Variants in AGBL4 observed in about 807,000 individuals in gnomAD.
AGBL4 encodes cytosolic carboxypeptidase 6.
Under a neutral mutation model 66.4 loss-of-function variants are expected in AGBL4, and 58 were observed. The ratio of observed to expected loss-of-function variants is 0.87; its 90% CI spans 0.71 to 1.09. The LOEUF (loss-of-function observed/expected upper bound fraction) is 1.09, where lower values mean the gene tolerates loss of function less well. Among genes scored for constraint, AGBL4 ranks in the 50% least tolerant of loss-of-function variants. The pLI is 0.00. For synonymous variants in AGBL4, 234 were observed against 222.9 expected (o/e 1.05, Z -0.44); for missense variants, 579 against 631.0 (o/e 0.92, Z 0.88).
At chr1:49,478,530 C>T (rs1471776748) in intron 3 of AGBL4, among the ~76,000 whole-genome samples, 1 of 151,724 alleles carries the variant, frequency 6.6e-6, no homozygotes, top group Non-Finnish European at 1.5e-5. Context: ...AAAGACTTAC[C>T]CAGACAAACA....
At chr1:49,513,277 A>C (rs1045172853) in intron 3 of AGBL4, among the ~76,000 whole-genome samples, 2 of 152,014 alleles carry the variant, frequency 1.3e-5, no homozygotes, top group Admixed American at 6.6e-5. Flanking sequence ...TTCTTTTTAA[A>C]ATTTCCAACT....
intron 3 of AGBL4, among the ~76,000 whole-genome samples, chr1:49,685,563 T>C (rs1339391914): frequency 6.6e-6 from 1 of 152,186 alleles, no homozygotes; most frequent in Non-Finnish European, 1.5e-5. Context: ...TGCCAGCATC[T>C]GTTATGTTTT....
chr1:49,669,156 A>T (rs960511074), intron 3 of AGBL4, among the ~76,000 whole-genome samples: 4 of 152,198 alleles, frequency 2.6e-5, no homozygotes, highest in Non-Finnish European at 1.5e-5. Flanking sequence ...TGATGAGAAT[A>T]GAACCCTCAA....
At chr1:48,572,078 G>C (rs1472814628) in intron 11 of AGBL4, among the ~76,000 whole-genome samples, 1 of 152,160 alleles carries the variant, frequency 6.6e-6, no homozygotes, top group African/African-American at 2.4e-5. Flanking sequence ...GGAAAGTGAA[G>C]GAGGGAGAGA....
At chr1:49,969,682 T>C (rs1657887506) in intron 1 of AGBL4, among the ~76,000 whole-genome samples, 1 of 152,194 alleles carries the variant, frequency 6.6e-6, no homozygotes. Flanking sequence ...TTGTTGCAAA[T>C]AGATTTCCTT....
chr1:49,592,005 T>C (rs1328926844), intron 3 of AGBL4, among the ~76,000 whole-genome samples: 1 of 152,030 alleles, frequency 6.6e-6, no homozygotes, highest in Non-Finnish European at 1.5e-5. Flanking sequence ...ACCTAAAAAA[T>C]ACCATTCTGG....
intron 3 of AGBL4, among the ~76,000 whole-genome samples, chr1:49,299,761 T>A (rs1480211552): frequency 6.6e-6 from 1 of 152,166 alleles, no homozygotes; most frequent in Non-Finnish European, 1.5e-5. Flanking sequence ...TAAGTACCAA[T>A]GTAATCTAGA....
intron 2 of AGBL4, among the ~76,000 whole-genome samples, chr1:49,813,839 C>G (rs906776904): frequency 6.6e-6 from 1 of 152,016 alleles, no homozygotes; most frequent in Non-Finnish European, 1.5e-5. Context: ...GTGTCCCCAC[C>G]CAAATCTCAT....
intron 5 of AGBL4, among the ~76,000 whole-genome samples, chr1:49,020,338 A>C (rs555459065): frequency 6.6e-6 from 1 of 152,324 alleles, no homozygotes; most frequent in South Asian, 2.1e-4. Flanking sequence ...AAACAACTTC[A>C]TGGAACCTCA....
chr1:50,020,706 G>C (rs1662382933), intron 1 of AGBL4, among the ~76,000 whole-genome samples: 1 of 152,138 alleles, frequency 6.6e-6, no homozygotes, highest in East Asian at 1.9e-4. Context: ...TCTTAATTAA[G>C]TTGTCAACTT....
At chr1:49,272,552 G>T (rs1027605788) in intron 3 of AGBL4, among the ~76,000 whole-genome samples, 2 of 152,006 alleles carry the variant, frequency 1.3e-5, no homozygotes, top group African/African-American at 2.4e-5. Context: ...AGTTAAAATT[G>T]TCTCTGTACT....
chr1:49,603,588 A>G (rs1008466362), intron 3 of AGBL4, among the ~76,000 whole-genome samples: 2 of 151,802 alleles, frequency 1.3e-5, no homozygotes, highest in Non-Finnish European at 2.9e-5. Context: ...ATAAATAGAA[A>G]GGGAAGAGTT....
chr1:49,298,336 A>T (rs1479873893), intron 3 of AGBL4, among the ~76,000 whole-genome samples: 1 of 151,978 alleles, frequency 6.6e-6, no homozygotes, highest in Non-Finnish European at 1.5e-5. Flanking sequence ...AAAGCAACAG[A>T]TCTCCCCTCT....
intron 4 of AGBL4, among the ~76,000 whole-genome samples, chr1:49,168,447 T>C (rs986346824): frequency 2.0e-4 from 30 of 152,148 alleles, no homozygotes; most frequent in African/African-American, 7.2e-4. Context: ...AATAACCCTA[T>C]GGAAAGATCA....
chr1:49,136,062 A>G (rs555832657), intron 4 of AGBL4, among the ~76,000 whole-genome samples: 1 of 152,290 alleles, frequency 6.6e-6, no homozygotes, highest in East Asian at 1.9e-4. Context: ...ATTGTGAAAA[A>G]TATGGCATCC....
rs370866456 is a variant in AGBL4 at position 49,460,184 on chromosome 1, A to C, written c.283-214320T>G. Among the ~76,000 whole-genome samples the C allele has an allele frequency of 3.3e-5, 5 of 151,638 alleles. No individual in the cohort carries two copies. The South Asian group carries it at 8.3e-4, about 25-fold the overall frequency. On this transcript the variant is annotated intron_variant, in intron 3 of 13. Coordinates refer to ENST00000371839, the MANE Select transcript of AGBL4 (RefSeq NM_032785.4). Reference sequence around the variant, plus strand: ...ATGACCTATATAGTGCTGTCAGTGGAGTATTAAAGTTCCCCACTATTACGG... The same window carrying C: ...ATGACCTATATAGTGCTGTCAGTGGCGTATTAAAGTTCCCCACTATTACGG...
chr1:49,258,376 C>T (rs1307824980), intron 3 of AGBL4, among the ~76,000 whole-genome samples: 2 of 152,092 alleles, frequency 1.3e-5, no homozygotes, highest in African/African-American at 2.4e-5. Flanking sequence ...GAAGGAAATT[C>T]GAACCAAAGG....
At chr1:49,598,170 T>C (rs894440432) in intron 3 of AGBL4, among the ~76,000 whole-genome samples, 2 of 152,166 alleles carry the variant, frequency 1.3e-5, no homozygotes, top group African/African-American at 4.8e-5. Flanking sequence ...TAGCTCTTAT[T>C]ATTTTGAGAT....
At chr1:49,588,714 G>A (rs1644697614) in intron 3 of AGBL4, among the ~76,000 whole-genome samples, 1 of 152,090 alleles carries the variant, frequency 6.6e-6, no homozygotes, top group African/African-American at 2.4e-5. Flanking sequence ...ACCTACATGT[G>A]CCACATACTA....
Sources: gnomAD v4.1 joint callset for allele counts (sites outside exome capture counted in the v4.1 genomes callset) on GRCh38, gnomAD v4.1.1 for gene constraint, MANE v1.5 for transcripts, NCBI Gene and HGNC (gene_info 2026-07-23, HGNC 2026-07-21) for gene names.